The following APBB1IP variants were observed in gnomAD, a reference collection of about 807,000 sequenced individuals.
APBB1IP encodes amyloid beta precursor protein binding family B member 1 interacting protein.
A neutral mutation model predicts 64.9 loss-of-function variants in APBB1IP; 27 were observed. The observed-to-expected ratio is 0.42, with a 90% CI of 0.31 to 0.57. The LOEUF (loss-of-function observed/expected upper bound fraction) is 0.57. Ranked by LOEUF, APBB1IP falls within the 20% of genes least tolerant of loss-of-function variation. The pLI, the probability that APBB1IP is intolerant of heterozygous loss-of-function variation, is 0.20. For missense variants in APBB1IP, 812 were observed against 845.5 expected, an observed-to-expected ratio of 0.96 and a Z score of 0.49; for synonymous variants, 392 against 331.0, an observed-to-expected ratio of 1.18 and a Z score of -2.00.
At chr10:26,540,923 C>A (rs1043531642) in intron 10 of APBB1IP, among the ~76,000 whole-genome samples, 1 of 151,084 alleles carries the variant, frequency 6.6e-6, no homozygotes, top group African/African-American at 2.4e-5. Context: ...CATTTTTCGT[C>A]CTGAGGGGGA....
chr10:26,505,285 G>T (rs559454557), intron 6 of APBB1IP, among the ~76,000 whole-genome samples: 4 of 152,108 alleles, frequency 2.6e-5, no homozygotes. Flanking sequence ...TCATCTAGGG[G>T]AGTCTTCCCA....
chr10:26,567,358 C>T lies in APBB1IP; in HGVS notation c.1871C>T (p.Ala624Val). The T allele has an allele frequency of 6.6e-7, 1 of 1,521,978 alleles. No homozygotes were observed. The highest frequency in any genetic ancestry group is 1.2e-5 in the South Asian group (1 of 85,654). The allele number at this position is 1,521,978 out of a possible 1,614,324, so 94.3% of individuals were successfully genotyped here. A position where few individuals can be genotyped will look rare whatever the true frequency, so the allele number is the denominator to read the frequency against. The change falls in exon 15 of 15, where the codon GCC becomes GTC. Residue 624 changes from alanine (A) to valine (V), a missense_variant. Physicochemically the swap from Ala to Val is moderately conservative, Grantham distance 64. Transcript: ENST00000376236. ...PDSARPPPAV[A>V]KRPPVPPKRQ... ...TCCGCCAGGCCGCCCCCCGCGGTGGCCAAGAGGCCTCCTGTGCCCCCCAAG... is the reference window on the plus strand; with the variant it reads ...TCCGCCAGGCCGCCCCCCGCGGTGGTCAAGAGGCCTCCTGTGCCCCCCAAG...
In APBB1IP at chr10:26,499,576, T is replaced by C. The variant is rs545509069; in HGVS notation, c.161-1243T>C. Reference sequence around the variant, plus strand: ...AGCTAGAATTCTCCTCATGGATCACTTCCTTCCTGTCTGTCCATCCTTTGT... The same window carrying C: ...AGCTAGAATTCTCCTCATGGATCACCTCCTTCCTGTCTGTCCATCCTTTGT... On this transcript the variant is annotated intron_variant, in intron 4 of 14. Coordinates refer to ENST00000376236, the MANE Select transcript of APBB1IP (RefSeq NM_019043.4). 9.9e-5 allele frequency among the ~76,000 whole-genome samples: 15 copies of C among 152,170 alleles called. 1 individual carries two copies. In the South Asian group the frequency reaches 3.1e-3, roughly 32 times the overall value.
chr10:26,508,161 A>G (rs893847514), intron 6 of APBB1IP, among the ~76,000 whole-genome samples: 2 of 152,254 alleles, frequency 1.3e-5, no homozygotes, highest in Non-Finnish European at 2.9e-5. Flanking sequence ...GTACTCATGC[A>G]TAATCTACAA....
At chr10:26,554,350 C>T (rs376837162) in intron 11 of APBB1IP, among the ~76,000 whole-genome samples, 1 of 152,190 alleles carries the variant, frequency 6.6e-6, no homozygotes, top group East Asian at 1.9e-4. Context: ...GAGTTGTGTT[C>T]CTTCTGAGGG....
chr10:26,525,040 GCA>G (rs1414151209), intron 8 of APBB1IP, among the ~76,000 whole-genome samples: 1 of 140,676 alleles, frequency 7.1e-6, no homozygotes, highest in Non-Finnish European at 1.5e-5. Context: ...TGTAATCCCA[GCA>G]CTTTAGGAGG....
chr10:26,543,481 A>G (rs1412187792), intron 11 of APBB1IP, among the ~76,000 whole-genome samples: 1 of 136,012 alleles, frequency 7.4e-6, no homozygotes, highest in African/African-American at 2.5e-5. Context: ...AAAAAAAAAG[A>G]AAAGAAAAAG....
intron 6 of APBB1IP, chr10:26,509,629 G>A (rs1461058169): frequency 6.6e-6 from 1 of 152,206 alleles, no homozygotes; most frequent in African/African-American, 2.4e-5. Flanking sequence ...TATCTCATCC[G>A]ATCTCAGAAG....
chr10:26,465,939 G>T (rs754954119), intron 2 of APBB1IP, among the ~76,000 whole-genome samples: 1 of 152,196 alleles, frequency 6.6e-6, no homozygotes, highest in Non-Finnish European at 1.5e-5. Flanking sequence ...CCCAAACTTA[G>T]AGGTGTAAAG....
At chr10:26,481,912 A>AT (rs1190573673) in intron 2 of APBB1IP, among the ~76,000 whole-genome samples, 2 of 150,312 alleles carry the variant, frequency 1.3e-5, no homozygotes, top group African/African-American at 2.5e-5. Flanking sequence ...CTCTCTTAGT[A>AT]TTTTTTTAAA....
intron 2 of APBB1IP, among the ~76,000 whole-genome samples, chr10:26,484,603 C>T (rs541154707): frequency 6.6e-6 from 1 of 151,994 alleles, no homozygotes; most frequent in Admixed American, 6.6e-5. Context: ...CTGCACCAGG[C>T]CTTTTTTGAA....
Position 26,438,746 on chromosome 10 carries a change from G to A in APBB1IP, c.-108G>A, listed in dbSNP as rs892149693. 6.6e-5 allele frequency: 10 copies of A among 152,206 alleles called. No individual in the cohort carries two copies. The highest frequency in any genetic ancestry group is 2.4e-4 in the African/African-American group (10 of 41,450). 9.4% of individuals were successfully genotyped at this position (152,206 alleles called of 1,614,324 possible). On this transcript the variant is annotated 5_prime_UTR_variant, in exon 2 of 15. Coordinates refer to ENST00000376236, the MANE Select transcript of APBB1IP (RefSeq NM_019043.4). ...GCAGGGCTGACAGCACTTCCTCCCC[G>A]GGGCAGCGACCTGGAGCCCGGGTGC...
At chr10:26,560,245 GC>G in intron 12 of APBB1IP, 42 bp downstream of exon 12, 1 of 1,574,450 alleles carries the variant, frequency 6.4e-7, no homozygotes. Flanking sequence ...GAACTTGCCA[GC>G]CAACTTCCTG....
chr10:26,461,418 T>A (rs1835590757), intron 2 of APBB1IP, among the ~76,000 whole-genome samples: 1 of 152,188 alleles, frequency 6.6e-6, no homozygotes, highest in African/African-American at 2.4e-5. Context: ...TTTTCATACA[T>A]CAAATTTAAA....
At chr10:26,523,292 A>G (rs1034376062) in intron 8 of APBB1IP, among the ~76,000 whole-genome samples, 4 of 152,348 alleles carry the variant, frequency 2.6e-5, no homozygotes, top group South Asian at 2.1e-4. Flanking sequence ...AGGAGGATCA[A>G]TGATGGTTCT....
intron 2 of APBB1IP, among the ~76,000 whole-genome samples, chr10:26,455,401 G>A (rs1212461350): frequency 3.3e-5 from 5 of 151,894 alleles, no homozygotes; most frequent in Admixed American, 1.3e-4. Flanking sequence ...TGGTGCGGGC[G>A]CTTGTAATCC....
chr10:26,453,273 G>C (rs1247732628), intron 2 of APBB1IP, among the ~76,000 whole-genome samples: 1 of 152,182 alleles, frequency 6.6e-6, no homozygotes, highest in Non-Finnish European at 1.5e-5. Flanking sequence ...TGGCAATGGT[G>C]TGTTTACAGG....
In APBB1IP at chr10:26,499,522, T is replaced by A. The variant is rs369588227; in HGVS notation, c.161-1297T>A. Among the ~76,000 whole-genome samples the A allele has an allele frequency of 2.6e-5, 4 of 152,168 alleles. 1 individual carries two copies. The South Asian group carries it at 8.3e-4, about 32-fold the overall frequency. Reference sequence around the variant, plus strand: ...AGGCTTTATTCCAGCTGCTCCCATTTCCTCAGTCTGTTTCATCATATCTAT... The same window carrying A: ...AGGCTTTATTCCAGCTGCTCCCATTACCTCAGTCTGTTTCATCATATCTAT... On this transcript the variant is annotated intron_variant, in intron 4 of 14. Transcript: ENST00000376236.
intron 2 of APBB1IP, among the ~76,000 whole-genome samples, chr10:26,476,592 A>G (rs999695198): frequency 6.6e-6 from 1 of 152,062 alleles, no homozygotes; most frequent in Non-Finnish European, 1.5e-5. Flanking sequence ...ATTCTGCTAC[A>G]TTCCTGCTTT....
Sources: allele counts gnomAD v4.1 joint callset (sites outside exome capture counted in the v4.1 genomes callset), GRCh38; gene constraint gnomAD v4.1.1; transcripts MANE v1.5; gene names NCBI Gene and HGNC (gene_info 2026-07-23, HGNC 2026-07-21).